The following GRIK4 variants were observed in gnomAD, a reference collection of about 807,000 sequenced individuals.
The protein encoded by GRIK4 is glutamate ionotropic receptor kainate type subunit 4, also known as glutamate receptor ionotropic, kainate 4.
Under a neutral mutation model 104.9 loss-of-function variants are expected in GRIK4, and 40 were observed. That is an observed-to-expected ratio of 0.38 (90% CI 0.30 to 0.50). The LOEUF (loss-of-function observed/expected upper bound fraction) is 0.50. GRIK4 is among the 20% of genes least tolerant of loss of function. GRIK4 has a pLI of 0.93. For missense variants in GRIK4, 1,047 were observed against 1,308.1 expected (o/e 0.80, Z 3.08); for synonymous variants, 485 against 524.9 (o/e 0.92, Z 1.04).
rs1374640277 is a variant in GRIK4, at chr11:120,575,138, G to A, written c.-159+63251G>A. Among the ~76,000 whole-genome samples the A allele has an allele frequency of 3.3e-5, 5 of 152,306 alleles. No individual in the cohort carries two copies. The East Asian group carries it at 9.7e-4, about 29-fold the overall frequency. On this transcript the variant is annotated intron_variant, in intron 1 of 20. Transcript: ENST00000527524. Reference sequence around the variant, plus strand: ...CCCTGTTGTGCCCGCCATGCCTGAGGTAGACTGGTGGAGGTGGTTCAGTTA... The same window carrying A: ...CCCTGTTGTGCCCGCCATGCCTGAGATAGACTGGTGGAGGTGGTTCAGTTA...
chr11:120,837,537 C>T (rs552738782), intron 8 of GRIK4, among the ~76,000 whole-genome samples: 1 of 152,290 alleles, frequency 6.6e-6, no homozygotes, highest in South Asian at 2.1e-4. Flanking sequence ...GAAAGCCACA[C>T]ATATTATATG....
intron 1 of GRIK4, among the ~76,000 whole-genome samples, chr11:120,595,690 C>T (rs1350936633): frequency 4.6e-5 from 7 of 152,198 alleles, no homozygotes; most frequent in Non-Finnish European, 1.5e-5. Flanking sequence ...CAGCTCTCCT[C>T]CTTCACCCAG....
intron 3 of GRIK4, among the ~76,000 whole-genome samples, chr11:120,710,185 T>C (rs1365137299): frequency 6.6e-6 from 1 of 150,572 alleles, no homozygotes; most frequent in Non-Finnish European, 1.5e-5. Context: ...AATTAATCTT[T>C]CTAGTAACTC....
At chr11:120,673,847 T>C (rs909331890) in intron 3 of GRIK4, among the ~76,000 whole-genome samples, 1 of 152,172 alleles carries the variant, frequency 6.6e-6, no homozygotes, top group African/African-American at 2.4e-5. Flanking sequence ...CCTTGACCAG[T>C]TCTGACTGTT....
intron 1 of GRIK4, among the ~76,000 whole-genome samples, chr11:120,622,324 CAGG>C: frequency 6.6e-6 from 1 of 152,302 alleles, no homozygotes; most frequent in East Asian, 1.9e-4. Context: ...CAGACACAGA[CAGG>C]AGGCTTAGAG....
intron 8 of GRIK4, among the ~76,000 whole-genome samples, chr11:120,857,504 A>G (rs1326600047): frequency 0.025 from 7 of 276 alleles, no homozygotes; most frequent in Non-Finnish European, 0.051. Context: ...GCACACATGC[A>G]CACACACACA....
At chr11:120,747,096 G>A (rs1273320324) in intron 3 of GRIK4, among the ~76,000 whole-genome samples, 4 of 152,186 alleles carry the variant, frequency 2.6e-5, no homozygotes, top group African/African-American at 9.6e-5. Flanking sequence ...TAACAGGTGC[G>A]TGCTGTCGCC....
intron 13 of GRIK4, among the ~76,000 whole-genome samples, chr11:120,918,271 C>T (rs1363907747): frequency 6.6e-6 from 1 of 152,204 alleles, no homozygotes; most frequent in African/African-American, 2.4e-5. Flanking sequence ...TTCTCTCACT[C>T]CCCTTCCCCT....
chr11:120,910,070 CCTCT>C (rs961004933), intron 13 of GRIK4, among the ~76,000 whole-genome samples: 1 of 152,072 alleles, frequency 6.6e-6, no homozygotes, highest in Non-Finnish European at 1.5e-5. Context: ...GCCTCTGGTG[CCTCT>C]CTCTATCTTG....
chr11:120,986,877 T>C lies in GRIK4; in HGVS notation c.*617T>C, dbSNP rs1261830781. 6.6e-6 allele frequency: 1 copy of C among 152,200 alleles called. No homozygotes were observed. The highest frequency in any genetic ancestry group is 1.5e-5 in the Non-Finnish European group (1 of 68,046). The allele number at this position is 152,200 out of a possible 1,614,324, so 9.4% of individuals were successfully genotyped here. The stretch of plus-strand genomic sequence containing the variant: ...CTTCTTTTTCCTGAATTTTGGAATA[T>C]TGCGTTACCAGTGCATCCGATTTCA... On this transcript the variant is annotated 3_prime_UTR_variant, in exon 21 of 21. Coordinates refer to ENST00000527524, the MANE Select transcript of GRIK4 (RefSeq NM_014619.5).
At chr11:120,906,761 T>A (rs992279556) in intron 13 of GRIK4, among the ~76,000 whole-genome samples, 1 of 152,206 alleles carries the variant, frequency 6.6e-6, no homozygotes, top group African/African-American at 2.4e-5. Context: ...GGGAGGATAC[T>A]TCAGGAGTTT....
chr11:120,570,308 C>G lies in GRIK4; in HGVS notation c.-159+58421C>G, dbSNP rs561694880. Reference sequence around the variant, plus strand: ...AATATTCAGTATTTCTCTGTCCCACCCTTCCTGTCCCTCAACCTCCCTTTT... The same window carrying G: ...AATATTCAGTATTTCTCTGTCCCACGCTTCCTGTCCCTCAACCTCCCTTTT... On this transcript the variant is annotated intron_variant, in intron 1 of 20. Transcript: ENST00000527524. 8.5e-5 allele frequency among the ~76,000 whole-genome samples: 13 copies of G among 152,290 alleles called. No homozygotes were observed. In the East Asian group the frequency reaches 2.3e-3, roughly 27 times the overall value.
At chr11:120,802,211 A>C (rs1442520952) in intron 3 of GRIK4, among the ~76,000 whole-genome samples, 1 of 152,190 alleles carries the variant, frequency 6.6e-6, no homozygotes, top group Non-Finnish European at 1.5e-5. Context: ...AGCATTCAGC[A>C]GTGTCTGGCA....
chr11:120,608,201 T>A (rs1454977939), intron 1 of GRIK4, among the ~76,000 whole-genome samples: 1 of 152,128 alleles, frequency 6.6e-6, no homozygotes, highest in East Asian at 1.9e-4. Flanking sequence ...AGGCCAGCAA[T>A]GAGGCTGCTG....
At chr11:120,691,056 C>T (rs192862566) in intron 3 of GRIK4, among the ~76,000 whole-genome samples, 46 of 152,274 alleles carry the variant, frequency 3.0e-4, no homozygotes, top group Middle Eastern at 3.4e-3. Flanking sequence ...GCCAAAATTC[C>T]ATAATGTGTT....
At chr11:120,839,566 A>G (rs1953664522) in intron 8 of GRIK4, among the ~76,000 whole-genome samples, 1 of 152,214 alleles carries the variant, frequency 6.6e-6, no homozygotes, top group African/African-American at 2.4e-5. Flanking sequence ...ATGGGCTAAA[A>G]TGAATGGAAG....
chr11:120,594,565 G>T (rs1948775973), intron 1 of GRIK4, among the ~76,000 whole-genome samples: 1 of 152,112 alleles, frequency 6.6e-6, no homozygotes, highest in African/African-American at 2.4e-5. Context: ...GTATGATCTG[G>T]CCCATCTAAT....
chr11:120,895,548 G>T (rs1942554742), intron 11 of GRIK4, among the ~76,000 whole-genome samples: 1 of 152,158 alleles, frequency 6.6e-6, no homozygotes, highest in South Asian at 2.1e-4. Flanking sequence ...AATGGCCCTA[G>T]AAGCCATTCC....
chr11:120,675,186 C>A (rs187229059), intron 3 of GRIK4, among the ~76,000 whole-genome samples: 3 of 152,224 alleles, frequency 2.0e-5, no homozygotes, highest in Non-Finnish European at 4.4e-5. Context: ...ATTTAACCAA[C>A]CTCTTCTTCA....
Sources: gnomAD v4.1 joint callset for allele counts (sites outside exome capture counted in the v4.1 genomes callset) on GRCh38, gnomAD v4.1.1 for gene constraint, MANE v1.5 for transcripts, NCBI Gene and HGNC (gene_info 2026-07-23, HGNC 2026-07-21) for gene names.